RFC1: variants seen among roughly 807,000 people sequenced by gnomAD.
RFC1 encodes replication factor C subunit 1, also known as A1 140 kDa subunit.
In RFC1, 37 loss-of-function variants were observed where a neutral mutation model predicts 137.4. The ratio of observed to expected loss-of-function variants is 0.27; its 90% CI spans 0.21 to 0.35. The LOEUF (loss-of-function observed/expected upper bound fraction) is 0.35, where lower values mean the gene tolerates loss of function less well. Ranked by LOEUF, RFC1 falls within the 10% of genes least tolerant of loss-of-function variation. RFC1 has a pLI of 1.00. For missense variants in RFC1, 1,205 were observed against 1,358.5 expected, an observed-to-expected ratio of 0.89 and a Z score of 1.78; for synonymous variants, 429 against 455.7, an observed-to-expected ratio of 0.94 and a Z score of 0.75.
intron 22 of RFC1, among the ~76,000 whole-genome samples, chr4:39,292,481 T>C (rs949273884): frequency 6.6e-6 from 1 of 152,156 alleles, no homozygotes. Flanking sequence ...AAAATGACTC[T>C]TTCTTTCTCT....
In RFC1 at chr4:39,342,401, G is replaced by T. The variant is rs1304573693; in HGVS notation, c.275C>A (p.Ser92Tyr). Residue 92 changes from serine to tyrosine, a missense_variant, in exon 4 of 25, where the codon TCT becomes TAT. By Grantham distance (144) the Ser-to-Tyr change is moderately radical. Transcript: ENST00000349703. ...AKKPPEKLPVSSKPGKISRQD... is the reference protein window; with the variant it reads ...AKKPPEKLPVYSKPGKISRQD... The stretch of plus-strand genomic sequence containing the variant: ...CCGTGAAATTTTACCAGGTTTAGAA[G>T]ATACTGGCAGTTTTTCTGGTGGCTT... The T allele has an allele frequency of 4.3e-6, 7 of 1,613,502 alleles. No homozygotes were observed. The South Asian group carries it at 6.6e-5, about 15-fold the overall frequency.
Position 39,342,419 on chromosome 4 carries a change from G to A in RFC1, c.257C>T (p.Pro86Leu), listed in dbSNP as rs1406608268. The change falls in exon 4 of 25, where the codon CCA becomes CTA. Residue 86 changes from proline to leucine, a missense_variant. By Grantham distance (98) the Pro-to-Leu change is moderately conservative. Transcript: ENST00000349703. ...TLQVKNAKKP[P>L]EKLPVSSKPG... ...TTTAGAAGATACTGGCAGTTTTTCT[G>A]GTGGCTTTTTGGCATTTTTTACCTG... The A allele has an allele frequency of 1.2e-6, 2 of 1,613,376 alleles. No homozygotes were observed. The highest frequency in any genetic ancestry group is 1.3e-5 in the African/African-American group (1 of 74,892).
chr4:39,363,528 T>A (rs1005971248), intron 1 of RFC1, among the ~76,000 whole-genome samples: 2 of 152,182 alleles, frequency 1.3e-5, no homozygotes, highest in Non-Finnish European at 2.9e-5. Context: ...TGATAACTTT[T>A]AATTGGAATT....
chr4:39,323,468 A>G (rs1739621182), intron 6 of RFC1, 51 bp from the exon 7 acceptor site: 1 of 1,471,330 alleles, frequency 6.8e-7, no homozygotes, highest in South Asian at 1.2e-5. Flanking sequence ...TCTTTTCGTA[A>G]ATAGAATTTT....
chr4:39,335,033 T>C (rs529086938), intron 4 of RFC1, among the ~76,000 whole-genome samples: 126 of 152,302 alleles, frequency 8.3e-4, no homozygotes, highest in African/African-American at 2.9e-3. Flanking sequence ...GCTGAGAATC[T>C]GGCCTTTCCA....
At chr4:39,337,560 A>G (rs1320805265) in intron 4 of RFC1, among the ~76,000 whole-genome samples, 1 of 151,886 alleles carries the variant, frequency 6.6e-6, no homozygotes, top group East Asian at 1.9e-4. Flanking sequence ...ACAGAATTTT[A>G]GTGTACAAAT....
At chr4:39,355,890 T>A (rs979422091) in intron 1 of RFC1, 3 of 150,722 alleles carry the variant, frequency 2.0e-5, no homozygotes, top group Non-Finnish European at 2.9e-5. Context: ...TAGTCCCAGC[T>A]ACTTGGGAAG....
At chr4:39,291,602 A>G (rs1737679025) in intron 23 of RFC1, 37 bp downstream of exon 23, 1 of 1,429,344 alleles carries the variant, frequency 7.0e-7, no homozygotes, top group Non-Finnish European at 9.9e-7. Context: ...ACCTGGTAAT[A>G]GAAAGTGACG....
At chr4:39,302,645 A>C in intron 17 of RFC1, 50 bp from the exon 18 acceptor site, 2 of 1,489,228 alleles carry the variant, frequency 1.3e-6, no homozygotes, top group Non-Finnish European at 1.8e-6. Flanking sequence ...TCATATAATC[A>C]GGTATTTTAA....
intron 10 of RFC1, 32 bp downstream of exon 10, chr4:39,316,883 C>A: frequency 7.2e-7 from 1 of 1,387,308 alleles, no homozygotes; most frequent in South Asian, 1.2e-5. Context: ...CAGAGGCCCT[C>A]ACAGAATGGC....
intron 11 of RFC1, among the ~76,000 whole-genome samples, chr4:39,311,960 T>G (rs1030087314): frequency 2.0e-5 from 3 of 152,196 alleles, no homozygotes; most frequent in Non-Finnish European, 4.4e-5. Flanking sequence ...CTTCAAGTGA[T>G]GAATGATGAC....
chr4:39,324,012 T>C (rs2109677398), intron 6 of RFC1, among the ~76,000 whole-genome samples: 1 of 152,310 alleles, frequency 6.6e-6, no homozygotes. Context: ...CACAGAGACA[T>C]TCTAGTTATC....
chr4:39,288,126 C>T lies in RFC1; in HGVS notation c.*635G>A, dbSNP rs1309422741. The T allele has an allele frequency of 3.9e-5, 6 of 152,122 alleles. No homozygotes were observed. The highest frequency in any genetic ancestry group is 7.4e-5 in the Non-Finnish European group (5 of 68,020). 9.4% of individuals were successfully genotyped at this position (152,122 alleles called of 1,614,324 possible). On this transcript the variant is annotated 3_prime_UTR_variant, in exon 25 of 25. Transcript: ENST00000349703. ...AAGGAATACAGTGAGCTTTTTTAAT[C>T]CAATCATTTGCAAATTAATAAGGAA... is the stretch of plus-strand genomic sequence containing the variant.
At chr4:39,352,288 T>C (rs1741248243) in intron 1 of RFC1, among the ~76,000 whole-genome samples, 1 of 152,238 alleles carries the variant, frequency 6.6e-6, no homozygotes, top group Non-Finnish European at 1.5e-5. Context: ...TTTTCCTTTA[T>C]ATGATTTTTC....
At chr4:39,344,906 G>T (rs1740772574) in intron 3 of RFC1, among the ~76,000 whole-genome samples, 1 of 152,108 alleles carries the variant, frequency 6.6e-6, no homozygotes, top group Admixed American at 6.5e-5. Context: ...GTTCTGATAA[G>T]TTCTATAATA....
In RFC1 at chr4:39,328,657, T is replaced by A. The variant is rs531527452; in HGVS notation, c.332-901A>T. The stretch of plus-strand genomic sequence containing the variant: ...CGGAGGCGTGCCAGAAGAGTTCGGG[T>A]GAAAGAGGTAGGGGCCAAATCCTGG... On this transcript the variant is annotated intron_variant, in intron 4 of 24. Coordinates refer to ENST00000349703, the MANE Select transcript of RFC1 (RefSeq NM_002913.5). 2.0e-5 allele frequency among the ~76,000 whole-genome samples: 3 copies of A among 152,190 alleles called. No homozygotes were observed. The South Asian group carries it at 6.2e-4, about 32-fold the overall frequency.
chr4:39,307,776 C>A (rs1321910287), intron 13 of RFC1, among the ~76,000 whole-genome samples: 3 of 151,816 alleles, frequency 2.0e-5, no homozygotes, highest in African/African-American at 7.3e-5. Flanking sequence ...AAATGCCTGT[C>A]TCCTCTTTTA....
intron 6 of RFC1, among the ~76,000 whole-genome samples, chr4:39,324,718 T>C (rs765553542): frequency 6.6e-6 from 1 of 152,232 alleles, no homozygotes; most frequent in African/African-American, 2.4e-5. Flanking sequence ...TTGAGACAAA[T>C]GGTTGAGTGA....
In RFC1 at chr4:39,321,356, C is replaced by T; in HGVS notation, c.739G>A (p.Ala247Thr). 1.2e-6 allele frequency: 2 copies of T among 1,613,634 alleles called. No individual in the cohort carries two copies. Among genetic ancestry groups the T allele is most frequent in the Non-Finnish European group, 1.7e-6 (2 of 1,179,820 alleles). ...TGGACAGATGAAAACGTTTCTCCCG[C>T]TTCTGTGTCCTTTCGAGCCTAAACA... ...KTKKARKDTE[A>T]GETFSSVQAN... Residue 247 changes from alanine (A) to threonine (T), a missense_variant, in exon 8 of 25, where the codon GCG becomes ACG. Around this residue, in one of 3 missense-constraint regions of RFC1, gnomAD observed 962 missense variants for 1,035.3 expected, o/e 0.93. Coordinates refer to ENST00000349703, the MANE Select transcript of RFC1 (RefSeq NM_002913.5).
Sources: allele counts gnomAD v4.1 joint callset (sites outside exome capture counted in the v4.1 genomes callset), GRCh38; gene constraint gnomAD v4.1.1; regional missense constraint gnomAD v4.1.1; transcripts MANE v1.5; gene names NCBI Gene and HGNC (gene_info 2026-07-23, HGNC 2026-07-21).